The following PBX1 variants were observed in gnomAD, a reference collection of about 807,000 sequenced individuals.
The protein encoded by PBX1 is PBX homeobox 1.
A neutral mutation model predicts 53.4 loss-of-function variants in PBX1; 6 were observed. The ratio of observed to expected loss-of-function variants is 0.11; its 90% CI spans 0.06 to 0.22. The LOEUF is 0.22. Ranked by LOEUF, PBX1 falls within the 10% of genes least tolerant of loss-of-function variation. PBX1 has a pLI of 1.00. For synonymous variants in PBX1, 204 were observed against 212.3 expected (o/e 0.96, Z 0.34); for missense variants, 251 against 551.4 (o/e 0.46, Z 5.46).
chr1:164,601,648 A>T (rs1656186682), intron 2 of PBX1, among the ~76,000 whole-genome samples: 1 of 152,114 alleles, frequency 6.6e-6, no homozygotes, highest in Non-Finnish European at 1.5e-5. Context: ...GTTGCATCTC[A>T]CCTGTTCCAC....
At chr1:164,819,224 G>A (rs1007824659) in intron 6 of PBX1, 1 of 152,178 alleles carries the variant, frequency 6.6e-6, no homozygotes, top group African/African-American at 2.4e-5. Flanking sequence ...GTGGTGCCAG[G>A]ATGGACCTTA....
intron 2 of PBX1, among the ~76,000 whole-genome samples, chr1:164,580,327 G>A (rs892049706): frequency 1.3e-5 from 2 of 152,172 alleles, no homozygotes; most frequent in African/African-American, 4.8e-5. Context: ...TGCTCAGGCT[G>A]GAGTGCAGTG....
intron 2 of PBX1, among the ~76,000 whole-genome samples, chr1:164,581,080 C>G (rs1654581580): frequency 6.6e-6 from 1 of 152,192 alleles, no homozygotes; most frequent in African/African-American, 2.4e-5. Context: ...CACCACCTCC[C>G]TGGTGCAGCC....
intron 8 of PBX1, among the ~76,000 whole-genome samples, chr1:164,827,579 A>G (rs995055679): frequency 6.6e-6 from 1 of 152,228 alleles, no homozygotes; most frequent in Non-Finnish European, 1.5e-5. Flanking sequence ...GAAACAGAGT[A>G]AGTAAGTGCC....
In PBX1 at chr1:164,848,753, G is replaced by C; in HGVS notation, c.*2077G>C. 9.4e-7 allele frequency: 1 copy of C among 1,059,918 alleles called. No homozygotes were observed. The highest frequency in any genetic ancestry group is 4.6e-5 in the South Asian group (1 of 21,930). 65.7% of individuals were successfully genotyped at this position (1,059,918 alleles called of 1,614,324 possible). ...GGGAGGCTTCCAGGGAGAAGTATGA[G>C]ACCCTGAGGGGTGAGAATGGGCAGC... is the stretch of plus-strand genomic sequence containing the variant. On this transcript the variant is annotated 3_prime_UTR_variant, in exon 9 of 9. Coordinates refer to ENST00000420696, the MANE Select transcript of PBX1 (RefSeq NM_002585.4).
intron 2 of PBX1, among the ~76,000 whole-genome samples, chr1:164,568,694 G>A (rs1463684277): frequency 6.6e-6 from 1 of 152,030 alleles, no homozygotes; most frequent in African/African-American, 2.4e-5. Context: ...ACTCTTTCAG[G>A]CTAAAAAAAA....
intron 2 of PBX1, among the ~76,000 whole-genome samples, chr1:164,731,654 G>A (rs1571304339): frequency 6.6e-6 from 1 of 152,156 alleles, no homozygotes; most frequent in Non-Finnish European, 1.5e-5. Context: ...CCCGATTGTC[G>A]CCTCTCTTTG....
At chr1:164,804,398 T>C (rs74696659) in intron 4 of PBX1, among the ~76,000 whole-genome samples, 4,896 of 152,324 alleles carry the variant, frequency 0.032, 256 homozygotes, top group African/African-American at 0.11. Flanking sequence ...TGATCTAGTG[T>C]TGCTCTGGTA....
chr1:164,864,957 G>A (rs1672182347), intron 2 of PBX1, among the ~76,000 whole-genome samples: 1 of 152,222 alleles, frequency 6.6e-6, no homozygotes, highest in Non-Finnish European at 1.5e-5. Flanking sequence ...TGTTCCCGAG[G>A]TCATCCGTCT....
chr1:164,607,602 G>A (rs992080702), intron 2 of PBX1, among the ~76,000 whole-genome samples: 4 of 152,304 alleles, frequency 2.6e-5, no homozygotes, highest in Admixed American at 2.0e-4. Flanking sequence ...GCTTCAGAGA[G>A]AGGTCAGGGC....
chr1:164,740,470 C>T (rs1665546231), intron 2 of PBX1, among the ~76,000 whole-genome samples: 1 of 151,916 alleles, frequency 6.6e-6, no homozygotes, highest in South Asian at 2.1e-4. Flanking sequence ...GCAAATAGGC[C>T]ACCATATCAG....
At chr1:164,645,223 A>G (rs949229925) in intron 2 of PBX1, among the ~76,000 whole-genome samples, 2 of 152,104 alleles carry the variant, frequency 1.3e-5, no homozygotes, top group African/African-American at 4.8e-5. Flanking sequence ...TGCCCTAATA[A>G]CCAGTACAGG....
intron 2 of PBX1, among the ~76,000 whole-genome samples, chr1:164,664,893 C>T (rs1660718558): frequency 1.4e-5 from 1 of 72,452 alleles, no homozygotes. Context: ...TCAATTACCT[C>T]CCACTGAGTC....
chr1:164,878,896 G>T (rs371567824), intron 2 of PBX1, among the ~76,000 whole-genome samples: 3 of 152,174 alleles, frequency 2.0e-5, no homozygotes, highest in African/African-American at 7.2e-5. Context: ...AGGAATCTTT[G>T]AAGAAGAAAT....
intron 2 of PBX1, among the ~76,000 whole-genome samples, chr1:164,634,893 A>G (rs1228543047): frequency 1.3e-5 from 2 of 151,992 alleles, no homozygotes; most frequent in East Asian, 3.9e-4. Flanking sequence ...ACGTGGTTCT[A>G]TGTAGACCTG....
rs1571314867 is a variant in PBX1, at chr1:164,738,211, C to T, written c.266-54283C>T. On this transcript the variant is annotated intron_variant, in intron 2 of 8. Coordinates refer to ENST00000420696, the MANE Select transcript of PBX1 (RefSeq NM_002585.4). ...TTCTTAAGAATAAAGCTACTGTGAA[C>T]ATTTGTGTGCAAATCTGTGTGTGGC... Among the ~76,000 whole-genome samples, 3 of 152,144 alleles carry T rather than the reference C, an allele frequency of 2.0e-5. No individual in the cohort carries two copies. The East Asian group carries it at 5.8e-4, about 29-fold the overall frequency.
rs1247844514 is a variant in PBX1 at position 164,776,963 on chromosome 1, GAGAGAGAGAGAGAGA to G, written c.266-15530_266-15516del. Among the ~76,000 whole-genome samples, 742 of 109,884 alleles carry G rather than the reference GAGAGAGAGAGAGAGA, an allele frequency of 6.8e-3. 46 individuals carry two copies. The highest frequency in any genetic ancestry group is 0.027 in the African/African-American group (714 of 26,656). The allele number at this position is 109,884 out of a possible 152,430, so 72.1% of individuals were successfully genotyped here. On this transcript the variant is annotated intron_variant, in intron 2 of 8. Coordinates refer to ENST00000420696, the MANE Select transcript of PBX1 (RefSeq NM_002585.4). ...GGGAGGAGAGAGAGAGAGAGAGAGA[GAGAGAGAGAGAGAGA>G]GGAGGTGTGGGGGGGCGGGGGGCTG...
chr1:164,755,050 G>A (rs962288100), intron 2 of PBX1, among the ~76,000 whole-genome samples: 1 of 152,144 alleles, frequency 6.6e-6, no homozygotes, highest in Admixed American at 6.6e-5. Flanking sequence ...TCTCTCCTTG[G>A]ACCTTTGATG....
intron 2 of PBX1, among the ~76,000 whole-genome samples, chr1:164,881,944 C>T (rs572448024): frequency 6.6e-6 from 1 of 152,290 alleles, no homozygotes; most frequent in African/African-American, 2.4e-5. Context: ...TCAGGTCCCA[C>T]CCGCTATGCC....
Sources: allele counts gnomAD v4.1 joint callset (sites outside exome capture counted in the v4.1 genomes callset), GRCh38; gene constraint gnomAD v4.1.1; transcripts MANE v1.5; gene names NCBI Gene and HGNC (gene_info 2026-07-23, HGNC 2026-07-21).